KCNK2: variants seen among roughly 807,000 people sequenced by gnomAD.
KCNK2 encodes potassium two pore domain channel subfamily K member 2, also known as potassium channel subfamily K member 2.
KCNK2 carries 21 observed loss-of-function variants against 40.5 expected under a neutral mutation model. The observed-to-expected ratio is 0.52, with a 90% confidence interval of 0.37 to 0.75. The LOEUF is 0.75. Ranked by LOEUF, KCNK2 falls within the 30% of genes least tolerant of loss-of-function variation. The probability of loss-of-function intolerance (pLI) is 0.00; values close to 1 mark genes in which losing one functional copy is unlikely to be tolerated. For synonymous variants in KCNK2, 191 were observed against 202.2 expected (o/e 0.94, Z 0.47); for missense variants, 399 against 531.6 (o/e 0.75, Z 2.45).
At chr1:215,164,502 G>T (rs1663354788) in intron 3 of KCNK2, among the ~76,000 whole-genome samples, 1 of 152,040 alleles carries the variant, frequency 6.6e-6, no homozygotes, top group African/African-American at 2.4e-5. Context: ...TTTTAATTGT[G>T]ATGTTAGGGT....
chr1:215,039,646 C>G (rs1321415941), intron 1 of KCNK2, among the ~76,000 whole-genome samples: 1 of 152,082 alleles, frequency 6.6e-6, no homozygotes, highest in African/African-American at 2.4e-5. Flanking sequence ...TAACATTATC[C>G]TCAGAAACCA....
chr1:215,025,222 T>C (rs1393342265), intron 1 of KCNK2, among the ~76,000 whole-genome samples: 1 of 152,048 alleles, frequency 6.6e-6, no homozygotes, highest in Non-Finnish European at 1.5e-5. Flanking sequence ...TGTGGGATTA[T>C]GGTGATGGTT....
At chr1:215,025,602 T>C (rs968169847) in intron 1 of KCNK2, among the ~76,000 whole-genome samples, 2 of 151,792 alleles carry the variant, frequency 1.3e-5, no homozygotes, top group Admixed American at 6.5e-5. Flanking sequence ...TACACATATA[T>C]GTGAGTATGT....
At chr1:215,068,447 A>G (rs1658634938) in intron 1 of KCNK2, among the ~76,000 whole-genome samples, 1 of 152,224 alleles carries the variant, frequency 6.6e-6, no homozygotes, top group South Asian at 2.1e-4. Flanking sequence ...CTGGAATCTG[A>G]ACAATGCACT....
chr1:215,234,879 G>A lies in KCNK2; in HGVS notation c.1015G>A (p.Glu339Lys). 1.2e-6 allele frequency: 2 copies of A among 1,614,058 alleles called. No homozygotes were observed. The highest frequency in any genetic ancestry group is 1.1e-5 in the South Asian group (1 of 91,064). The change falls in exon 7 of 7, where the codon GAA becomes AAA. Residue 339 changes from glutamate (E) to lysine (K), a missense_variant. Transcript: ENST00000444842. ...TGAGTGGACAGCCAACGTCACAGCCGAATTCAAAGAAACCAGGAGGCGACT... is the reference window on the plus strand; with the variant it reads ...TGAGTGGACAGCCAACGTCACAGCCAAATTCAAAGAAACCAGGAGGCGACT... The part of the protein sequence containing the change: ...AAEWTANVTA[E>K]FKETRRRLSV...
chr1:215,234,966 G>T lies in KCNK2; in HGVS notation c.1102G>T (p.Glu368Ter). The T allele has an allele frequency of 3.1e-6, 5 of 1,614,054 alleles. No homozygotes were observed. Among genetic ancestry groups the T allele is most frequent in the Non-Finnish European group, 4.2e-6 (5 of 1,179,996 alleles). The change falls in exon 7 of 7, where the codon GAA becomes TAA. Residue 368 changes from glutamate to a stop codon, truncating the protein, a stop_gained. Coordinates refer to ENST00000444842, the MANE Select transcript of KCNK2 (RefSeq NM_001017425.3). LOFTEE classifies it high-confidence loss of function. ...CTCCATCAAGCGGAAGCTCTCGGCA[G>T]AACTGGCTGGAAACCACAATCAGGA... ...ATSIKRKLSA[E>*]LAGNHNQELT... is the part of the protein sequence containing the mutation.
intron 2 of KCNK2, among the ~76,000 whole-genome samples, chr1:215,105,835 A>G (rs1660414945): frequency 2.0e-5 from 3 of 152,044 alleles, no homozygotes; most frequent in Non-Finnish European, 4.4e-5. Context: ...TATAAGTGAG[A>G]ACATGTGGTA....
chr1:215,195,923 G>A (rs185485836), intron 6 of KCNK2, among the ~76,000 whole-genome samples: 29 of 152,100 alleles, frequency 1.9e-4, no homozygotes, highest in East Asian at 5.8e-4. Context: ...CATTGCCTTC[G>A]TTTAACTATC....
chr1:215,015,251 T>C (rs1187135243), intron 1 of KCNK2, among the ~76,000 whole-genome samples: 1 of 152,168 alleles, frequency 6.6e-6, no homozygotes, highest in Admixed American at 6.5e-5. Context: ...TTCTTTTCTA[T>C]ATTGGACTCC....
chr1:215,093,644 T>C (rs1282293951), intron 2 of KCNK2, among the ~76,000 whole-genome samples: 2 of 101,618 alleles, frequency 2.0e-5, no homozygotes, highest in Admixed American at 3.0e-4. Context: ...ATACAATATA[T>C]AATATAGAAT....
chr1:215,083,512 C>T (rs376231574), intron 1 of KCNK2, 81 bp downstream of exon 1: 17 of 1,014,800 alleles, frequency 1.7e-5, no homozygotes, highest in East Asian at 4.8e-5. Context: ...ACTGCAAATG[C>T]CCCCTCTCAG....
intron 6 of KCNK2, among the ~76,000 whole-genome samples, chr1:215,200,646 T>C (rs1420583567): frequency 6.6e-6 from 1 of 152,088 alleles, no homozygotes; most frequent in Non-Finnish European, 1.5e-5. Context: ...GGAAAATCAG[T>C]TGGGAGAGTT....
At chr1:215,018,827 A>C (rs933526873) in intron 1 of KCNK2, among the ~76,000 whole-genome samples, 1 of 152,138 alleles carries the variant, frequency 6.6e-6, no homozygotes, top group African/African-American at 2.4e-5. Context: ...TCACGATCAA[A>C]TTTGCATTCT....
rs747590791 is a variant in KCNK2, at chr1:215,101,409, T to TG, written c.357+14735dup. On this transcript the variant is annotated intron_variant, in intron 2 of 6. Transcript: ENST00000444842. ...GAAAGTCAGTCAAATAAAGGTTTTT[T>TG]GGGGTGGGCAGGAAGTGTTCAAGGA... is the stretch of plus-strand genomic sequence containing the variant. Among the ~76,000 whole-genome samples the TG allele has an allele frequency of 4.6e-5, 7 of 151,850 alleles. 1 individual carries two copies. The highest frequency in any genetic ancestry group is 4.2e-4 in the South Asian group (2 of 4,798).
At chr1:215,024,952 T>G (rs1034630977) in intron 1 of KCNK2, among the ~76,000 whole-genome samples, 8 of 65,860 alleles carry the variant, frequency 1.2e-4, no homozygotes, top group South Asian at 4.8e-4. Context: ...GGAGTTTTTT[T>G]TTTTTTTTTT....
In KCNK2 at chr1:215,007,185, G is replaced by GTATATA. The variant is rs1162302568; in HGVS notation, c.34+1267_34+1272dup. Among the ~76,000 whole-genome samples, 125 of 31,008 alleles carry GTATATA rather than the reference G, an allele frequency of 4.0e-3. 10 individuals are homozygous for GTATATA. Among genetic ancestry groups the GTATATA allele is most frequent in the African/African-American group, 0.011 (91 of 8,160 alleles). 20.3% of individuals were successfully genotyped at this position (31,008 alleles called of 152,430 possible). A position where few individuals can be genotyped will look rare whatever the true frequency, so the allele number is the denominator to read the frequency against. On this transcript the variant is annotated intron_variant, in intron 1 of 6. Coordinates refer to the KCNK2 transcript ENST00000391895. ...TGTATATATATATGTATGTGTGTGG[G>GTATATA]TATATATATATATATATATATATAT...
chr1:215,148,080 C>CTTTTTTT (rs756218432), intron 3 of KCNK2, among the ~76,000 whole-genome samples: 1 of 111,178 alleles, frequency 9.0e-6, no homozygotes, highest in African/African-American at 3.7e-5. Context: ...TTTTCTTTTC[C>CTTTTTTT]TTTTTTTTTT....
At chr1:215,035,692 C>T (rs2102488942) in intron 1 of KCNK2, among the ~76,000 whole-genome samples, 1 of 152,104 alleles carries the variant, frequency 6.6e-6, no homozygotes, top group Non-Finnish European at 1.5e-5. Flanking sequence ...AATGAAGCTG[C>T]CATAAACATT....
intron 1 of KCNK2, among the ~76,000 whole-genome samples, chr1:215,040,379 G>A (rs961295483): frequency 3.3e-5 from 5 of 152,146 alleles, no homozygotes; most frequent in Admixed American, 6.5e-5. Context: ...CACACTCCTA[G>A]TTCAATGGCA....
Sources: gnomAD v4.1 joint callset for allele counts (sites outside exome capture counted in the v4.1 genomes callset) on GRCh38, gnomAD v4.1.1 for gene constraint, MANE v1.5 for transcripts, NCBI Gene and HGNC (gene_info 2026-07-23, HGNC 2026-07-21) for gene names.